CDH9: variants seen among roughly 807,000 people sequenced by gnomAD.
CDH9 encodes the protein cadherin-9.
Under a neutral mutation model 70.9 loss-of-function variants are expected in CDH9, and 28 were observed. That is an observed-to-expected ratio of 0.40 (90% CI 0.29 to 0.54). CDH9 has a LOEUF of 0.54. CDH9 is among the 20% of genes least tolerant of loss of function. CDH9 has a pLI of 0.59. For synonymous variants in CDH9, 409 were observed against 343.1 expected, an observed-to-expected ratio of 1.19 and a Z score of -2.12; for missense variants, 874 against 984.4, an observed-to-expected ratio of 0.89 and a Z score of 1.50.
chr5:26,888,392 G>A (rs1740600847), intron 9 of CDH9, among the ~76,000 whole-genome samples: 1 of 152,140 alleles, frequency 6.6e-6, no homozygotes, highest in Non-Finnish European at 1.5e-5. Flanking sequence ...CTGGGGTACT[G>A]CTAGGGTAAC....
intron 3 of CDH9, among the ~76,000 whole-genome samples, chr5:26,908,126 T>C (rs966367702): frequency 1.3e-5 from 2 of 152,142 alleles, no homozygotes; most frequent in Admixed American, 1.3e-4. Flanking sequence ...TTGAGCTCAT[T>C]CTCTTGAGGC....
chr5:27,035,171 GTATA>G (rs35693444), intron 1 of CDH9, among the ~76,000 whole-genome samples: 10 of 143,266 alleles, frequency 7.0e-5, no homozygotes, highest in South Asian at 2.2e-4. Flanking sequence ...TATTGCATAT[GTATA>G]TATATATATA....
intron 2 of CDH9, among the ~76,000 whole-genome samples, chr5:26,982,974 C>T (rs1344482589): frequency 1.3e-5 from 2 of 152,176 alleles, no homozygotes; most frequent in African/African-American, 2.4e-5. Flanking sequence ...CGTGAGCCAC[C>T]GCGCCTGGTC....
chr5:26,916,383 A>G (rs556605916), intron 2 of CDH9, among the ~76,000 whole-genome samples: 1 of 152,084 alleles, frequency 6.6e-6, no homozygotes, highest in East Asian at 1.9e-4. Flanking sequence ...AACTGATTTT[A>G]TTCTCCTTCA....
At chr5:26,887,151 TA>T (rs1740579052) in intron 9 of CDH9, among the ~76,000 whole-genome samples, 1 of 152,224 alleles carries the variant, frequency 6.6e-6, no homozygotes, top group South Asian at 2.1e-4. Context: ...GTATTTTTAA[TA>T]AAGTGCTTTT....
At chr5:27,032,105 T>C (rs1743319754) in intron 1 of CDH9, among the ~76,000 whole-genome samples, 1 of 151,942 alleles carries the variant, frequency 6.6e-6, no homozygotes, top group African/African-American at 2.4e-5. Context: ...TATAGAGATA[T>C]GTATAAATAT....
chr5:27,032,399 A>C (rs192149561), intron 1 of CDH9, among the ~76,000 whole-genome samples: 12 of 151,784 alleles, frequency 7.9e-5, no homozygotes, highest in African/African-American at 2.2e-4. Context: ...ATAGTTAATT[A>C]TTTAATTTTT....
chr5:26,967,970 C>G (rs2112069608), intron 2 of CDH9, among the ~76,000 whole-genome samples: 1 of 152,058 alleles, frequency 6.6e-6, no homozygotes, highest in South Asian at 2.1e-4. Flanking sequence ...ATCTCTGCCT[C>G]CCAAAATGCT....
intron 2 of CDH9, among the ~76,000 whole-genome samples, chr5:26,966,946 A>C (rs1579482895): frequency 6.6e-6 from 1 of 151,508 alleles, no homozygotes; most frequent in African/African-American, 2.4e-5. Context: ...TTATTTATTC[A>C]TTTTGTGACA....
At chr5:26,964,815 TGA>T (rs1742101803) in intron 2 of CDH9, among the ~76,000 whole-genome samples, 1 of 129,348 alleles carries the variant, frequency 7.7e-6, no homozygotes. Context: ...CCCCAGTGTG[TGA>T]GTTTCCCCTC....
intron 1 of CDH9, among the ~76,000 whole-genome samples, chr5:26,993,119 A>T (rs1210827546): frequency 1.3e-5 from 2 of 151,424 alleles, no homozygotes; most frequent in Non-Finnish European, 2.9e-5. Context: ...AAAAAAAAAA[A>T]GCATATCTAA....
chr5:26,921,986 T>A (rs1392088897), intron 2 of CDH9, among the ~76,000 whole-genome samples: 3 of 144,618 alleles, frequency 2.1e-5, no homozygotes, highest in Non-Finnish European at 4.5e-5. Context: ...AAGAAACAAT[T>A]AGCTTGAAGA....
At chr5:26,916,956 A>T (rs1386792721) in intron 2 of CDH9, among the ~76,000 whole-genome samples, 2 of 151,938 alleles carry the variant, frequency 1.3e-5, no homozygotes, top group Non-Finnish European at 2.9e-5. Flanking sequence ...TTCATAAATT[A>T]TCTTCTTTTC....
intron 1 of CDH9, among the ~76,000 whole-genome samples, chr5:27,036,639 T>A (rs1743398719): frequency 6.6e-6 from 1 of 151,962 alleles, no homozygotes; most frequent in Non-Finnish European, 1.5e-5. Flanking sequence ...GAATTATTCT[T>A]AAATTCATAC....
At chr5:26,978,673 G>GA (rs72432274) in intron 2 of CDH9, among the ~76,000 whole-genome samples, 22 of 148,950 alleles carry the variant, frequency 1.5e-4, no homozygotes, top group East Asian at 6.0e-4. Flanking sequence ...GAATTAAAAA[G>GA]AAAAAAAAAC....
chr5:26,915,947 A>G (rs758446653), intron 2 of CDH9, 23 bp from the exon 3 acceptor site: 7 of 1,518,420 alleles, frequency 4.6e-6, no homozygotes, highest in Non-Finnish European at 6.3e-6. Flanking sequence ...AGAAAAGAAG[A>G]GTTCTGTAAA....
At chr5:26,989,536 T>TC (rs1742546640) in intron 1 of CDH9, among the ~76,000 whole-genome samples, 1 of 116,918 alleles carries the variant, frequency 8.6e-6, no homozygotes, top group African/African-American at 3.4e-5. Flanking sequence ...CTCTCTCTCT[T>TC]TCTCTCTCTT....
intron 1 of CDH9, among the ~76,000 whole-genome samples, chr5:26,991,215 C>T (rs1333698332): frequency 2.0e-5 from 3 of 152,090 alleles, no homozygotes; most frequent in Admixed American, 1.3e-4. Flanking sequence ...GACACTGAAA[C>T]GCTGCTCAGA....
chr5:26,891,987 A>G (rs1339864766), intron 7 of CDH9, among the ~76,000 whole-genome samples: 2 of 152,152 alleles, frequency 1.3e-5, no homozygotes, highest in Admixed American at 1.3e-4. Flanking sequence ...CCTAGAATAT[A>G]CGGAAAGAAA....
Sources: allele counts gnomAD v4.1 joint callset (sites outside exome capture counted in the v4.1 genomes callset), GRCh38; gene constraint gnomAD v4.1.1; transcripts MANE v1.5; gene names NCBI Gene and HGNC (gene_info 2026-07-23, HGNC 2026-07-21).